Variants in LRP8 observed in about 807,000 individuals in gnomAD.
LRP8 encodes the protein low-density lipoprotein receptor-related protein 8.
Under a neutral mutation model 111.6 loss-of-function variants are expected in LRP8, and 46 were observed. The observed-to-expected ratio is 0.41, with a 90% confidence interval of 0.33 to 0.53. The LOEUF (loss-of-function observed/expected upper bound fraction) is 0.53. Ranked by LOEUF, LRP8 falls within the 20% of genes least tolerant of loss-of-function variation. The pLI is 0.20. For missense variants in LRP8, 959 were observed against 1,297.4 expected (o/e 0.74, Z 4.01); for synonymous variants, 464 against 511.2 (o/e 0.91, Z 1.24).
At chr1:53,311,877 G>A (rs1653067422) in intron 2 of LRP8, among the ~76,000 whole-genome samples, 1 of 152,222 alleles carries the variant, frequency 6.6e-6, no homozygotes, top group Non-Finnish European at 1.5e-5. Context: ...ACAATGGGTG[G>A]AGTCATTCCT....
chr1:53,317,787 A>G lies in LRP8; in HGVS notation c.244+9086T>C, dbSNP rs1173493515. On this transcript the variant is annotated intron_variant, in intron 2 of 18. Coordinates refer to ENST00000306052, the MANE Select transcript of LRP8 (RefSeq NM_004631.5). This position sits in a 1 kb window ranked among gnomAD's most constrained non-coding sequence, Gnocchi z 4.9. ...GGTGGGCCTCACTCCATTTTTCTCC[A>G]TCACTGCACTGCATCCGGCCCAATT... Among the ~76,000 whole-genome samples, 1 of 152,092 alleles carries G rather than the reference A, an allele frequency of 6.6e-6. No homozygotes were observed. The highest frequency in any genetic ancestry group is 2.4e-5 in the African/African-American group (1 of 41,406).
chr1:53,276,638 G>A (rs1646927151), intron 5 of LRP8, 54 bp downstream of exon 5: 3 of 1,385,686 alleles, frequency 2.2e-6, no homozygotes, highest in Non-Finnish European at 1.9e-6. Flanking sequence ...GATCCGGATC[G>A]GATAGCGGAT....
intron 3 of LRP8, among the ~76,000 whole-genome samples, chr1:53,288,971 C>T (rs1394906610): frequency 1.3e-5 from 2 of 152,154 alleles, no homozygotes; most frequent in Admixed American, 6.5e-5. Context: ...CCCTGCCTGC[C>T]TCTGCTACCA....
intron 2 of LRP8, among the ~76,000 whole-genome samples, chr1:53,297,078 A>G (rs1649869073): frequency 6.6e-6 from 1 of 152,130 alleles, no homozygotes; most frequent in Non-Finnish European, 1.5e-5. Flanking sequence ...TTCAAATCCT[A>G]ACCCCTCCCT....
In LRP8 at chr1:53,294,519, C is replaced by T. The variant is rs1338862542; in HGVS notation, c.245-4830G>A. On this transcript the variant is annotated intron_variant, in intron 2 of 18. Transcript: ENST00000306052. This position sits in a 1 kb window ranked among gnomAD's most constrained non-coding sequence, Gnocchi z 4.1. ...AGCCGCACTTTCTTCGTCTGCTTCA[C>T]GGGACACACAGGGTCATTGTGAGAA... 2.6e-5 allele frequency among the ~76,000 whole-genome samples: 4 copies of T among 152,210 alleles called. No homozygotes were observed. The highest frequency in any genetic ancestry group is 2.1e-4 in the South Asian group (1 of 4,836).
chr1:53,300,248 G>A (rs1001168280), intron 2 of LRP8, among the ~76,000 whole-genome samples: 15 of 152,290 alleles, frequency 9.8e-5, no homozygotes, highest in African/African-American at 3.4e-4. Flanking sequence ...TTTTGCTCAC[G>A]CAGCTCCCCC....
At chr1:53,272,644 T>C in intron 6 of LRP8, 1 of 1,289,542 alleles carries the variant, frequency 7.8e-7, no homozygotes, top group Non-Finnish European at 1.0e-6. Flanking sequence ...TTGGCGGAAC[T>C]GAAAGAACAA....
In LRP8 at chr1:53,277,230, C is replaced by A. The variant is rs1038765450; in HGVS notation, c.497-152G>T. ...ATGGTGGACGTGCAGTTAGGCATAG[C>A]GAAGGCGGGCTTCCAACACGGACAT... On this transcript the variant is annotated intron_variant, in intron 4 of 18. Coordinates refer to ENST00000306052, the MANE Select transcript of LRP8 (RefSeq NM_004631.5). 4 of 1,206,700 alleles carry A rather than the reference C, an allele frequency of 3.3e-6. No individual in the cohort carries two copies. In the Admixed American group the frequency reaches 1.2e-4, roughly 36 times the overall value. The allele number at this position is 1,206,700 out of a possible 1,614,324, so 74.7% of individuals were successfully genotyped here. A position where few individuals can be genotyped will look rare whatever the true frequency, so the allele number is the denominator to read the frequency against.
rs569497357 is a variant in LRP8, at chr1:53,317,359, C to G, written c.244+9514G>C. On this transcript the variant is annotated intron_variant, in intron 2 of 18. Transcript: ENST00000306052. This position sits in a 1 kb window ranked among gnomAD's most constrained non-coding sequence, Gnocchi z 4.9. ...ACCAAGGCCCCACGTGGCTAACTAC[C>G]GTGGCAGGCCCGGCTGGCTAACCAG... 6.6e-6 allele frequency among the ~76,000 whole-genome samples: 1 copy of G among 152,196 alleles called. No homozygotes were observed. Among genetic ancestry groups the G allele is most frequent in the African/African-American group, 2.4e-5 (1 of 41,454 alleles).
chr1:53,280,255 T>A, intron 4 of LRP8, among the ~76,000 whole-genome samples: 1 of 152,168 alleles, frequency 6.6e-6, no homozygotes, highest in East Asian at 1.9e-4. Flanking sequence ...ATGTCAGACA[T>A]GGTAACAAAA....
In LRP8 at chr1:53,276,731, C is replaced by A; in HGVS notation, c.844G>T (p.Asp282Tyr). The change falls in exon 5 of 19, where the codon GAC becomes TAC. Residue 282 changes from aspartate (D) to tyrosine (Y), a missense_variant. Asp to Tyr is a radical substitution (Grantham distance 160). Transcript: ENST00000306052. Reference protein sequence around the residue: ...CVHLGWRCDGDRDCKDKSDEA... With the variant: ...CVHLGWRCDGYRDCKDKSDEA... Reference sequence around the variant, plus strand: ...TCCGATTTGTCTTTGCAGTCGCGGTCGCCGTCGCAGCGCCAGCCCAGGTGC... The same window carrying A: ...TCCGATTTGTCTTTGCAGTCGCGGTAGCCGTCGCAGCGCCAGCCCAGGTGC... The A allele has an allele frequency of 2.6e-6, 4 of 1,522,170 alleles. No individual in the cohort carries two copies. The South Asian group carries it at 4.7e-5, about 18-fold the overall frequency. The allele number at this position is 1,522,170 out of a possible 1,614,324, so 94.3% of individuals were successfully genotyped here. A position where few individuals can be genotyped will look rare whatever the true frequency, so the allele number is the denominator to read the frequency against.
chr1:53,295,325 C>A (rs1649498985), intron 2 of LRP8, among the ~76,000 whole-genome samples: 1 of 152,152 alleles, frequency 6.6e-6, no homozygotes, highest in Non-Finnish European at 1.5e-5. Flanking sequence ...CCATTAGGGG[C>A]TGGGGACAAG....
At chr1:53,272,926 A>G (rs1365198268) in intron 6 of LRP8, among the ~76,000 whole-genome samples, 1 of 152,088 alleles carries the variant, frequency 6.6e-6, no homozygotes, top group East Asian at 1.9e-4. Flanking sequence ...CAACAATTCT[A>G]TTTACTGAGC....
chr1:53,289,542 AC>A (rs1478194695), intron 3 of LRP8, 24 bp downstream of exon 3: 17 of 1,581,010 alleles, frequency 1.1e-5, no homozygotes, highest in Non-Finnish European at 1.2e-5. Context: ...GCCCACCCCC[AC>A]CCAGACTGAG....
In LRP8 at chr1:53,327,411, T is replaced by C. The variant is rs575976641; in HGVS notation, c.124+378A>G. 10 of 252,492 alleles carry C rather than the reference T, an allele frequency of 4.0e-5. No individual in the cohort carries two copies. The East Asian group carries it at 6.3e-4, about 16-fold the overall frequency. 15.6% of individuals were successfully genotyped at this position (252,492 alleles called of 1,614,324 possible). A position where few individuals can be genotyped will look rare whatever the true frequency, so the allele number is the denominator to read the frequency against. ...GCGCGCAGGGGTCTGCGGAAACGCA[T>C]TGTCAAGCGGAGAAGCCGCCCGGCT... On this transcript the variant is annotated intron_variant, in intron 1 of 18. Coordinates refer to ENST00000306052, the MANE Select transcript of LRP8 (RefSeq NM_004631.5).
intron 2 of LRP8, among the ~76,000 whole-genome samples, chr1:53,324,400 T>C (rs1322737337): frequency 6.6e-6 from 1 of 152,162 alleles, no homozygotes; most frequent in Admixed American, 6.5e-5. Context: ...AGTCCGTTTC[T>C]AAAGGCCGTG....
Position 53,280,628 on chromosome 1 carries a change from T to C in LRP8, c.455A>G (p.Lys152Arg). Residue 152 changes from lysine to arginine, a missense_variant, in exon 4 of 19, where the codon AAG becomes AGG. Physicochemically the swap from Lys to Arg is conservative, Grantham distance 26. Coordinates refer to ENST00000306052, the MANE Select transcript of LRP8 (RefSeq NM_004631.5). Reference sequence around the variant, plus strand: ...CTCATCCGCTCCACCCTCGCAGTCCTTCTCCCCGTCGCAGCGCCACGAGGC... The same window carrying C: ...CTCATCCGCTCCACCCTCGCAGTCCCTCTCCCCGTCGCAGCGCCACGAGGC... ...VPASWRCDGE[K>R]DCEGGADEAG... 1 of 1,613,428 alleles carries C rather than the reference T, an allele frequency of 6.2e-7. No individual in the cohort carries two copies. The highest frequency in any genetic ancestry group is 8.5e-7 in the Non-Finnish European group (1 of 1,180,026).
intron 2 of LRP8, among the ~76,000 whole-genome samples, chr1:53,309,606 T>C (rs1448486111): frequency 6.6e-6 from 1 of 152,152 alleles, no homozygotes; most frequent in Non-Finnish European, 1.5e-5. Context: ...GGGGCCATGC[T>C]GTGGACCAGT....
rs201984472 is a variant in LRP8, at chr1:53,289,710, C to T, written c.245-21G>A. 53 of 1,612,642 alleles carry T rather than the reference C, an allele frequency of 3.3e-5. No homozygotes were observed. In the East Asian group the frequency reaches 8.5e-4, roughly 26 times the overall value. On this transcript the variant is annotated intron_variant, in intron 2 of 18. Transcript: ENST00000306052. ...CTTGGCTGCAGGGCAAGGAAGAGAG[C>T]GTGGTGAGCCTGGGAGCAGTCAGGA...
Sources: gnomAD v4.1 joint callset for allele counts (sites outside exome capture counted in the v4.1 genomes callset) on GRCh38, gnomAD v4.1.1 for gene constraint, Gnocchi (gnomAD v3.1) non-coding constraint, MANE v1.5 for transcripts, NCBI Gene and HGNC (gene_info 2026-07-23, HGNC 2026-07-21) for gene names.